USH2A: variants seen among roughly 807,000 people sequenced by gnomAD.
USH2A encodes Usher syndrome 2A (autosomal recessive, mild).
A neutral mutation model predicts 538.9 loss-of-function variants in USH2A; 443 were observed. That is an observed-to-expected ratio of 0.82 (90% CI 0.76 to 0.89). The LOEUF (loss-of-function observed/expected upper bound fraction) is 0.89. Ranked by LOEUF, USH2A falls within the 40% of genes least tolerant of loss-of-function variation. USH2A has a pLI of 0.00. For synonymous variants in USH2A, 2,413 were observed against 2,273.5 expected (o/e 1.06, Z -1.75); for missense variants, 6,633 against 6,324.8 (o/e 1.05, Z -1.65).
At chr1:215,963,914 C>A (rs1030638815) in intron 37 of USH2A, among the ~76,000 whole-genome samples, 1 of 152,086 alleles carries the variant, frequency 6.6e-6, no homozygotes. Flanking sequence ...AATCAGTAAA[C>A]TTCTCAGTGG....
intron 37 of USH2A, among the ~76,000 whole-genome samples, chr1:215,961,319 A>C (rs2102450733): frequency 6.6e-6 from 1 of 151,918 alleles, no homozygotes; most frequent in African/African-American, 2.4e-5. Context: ...ATAAAATATT[A>C]ATGAATACAC....
intron 13 of USH2A, among the ~76,000 whole-genome samples, chr1:216,238,339 C>T (rs2102532368): frequency 6.6e-6 from 1 of 152,264 alleles, no homozygotes; most frequent in African/African-American, 2.4e-5. Flanking sequence ...GATGCGTTGA[C>T]ATCCTTCCCT....
chr1:216,402,942 A>C (rs1449344452), intron 3 of USH2A, among the ~76,000 whole-genome samples: 1 of 152,188 alleles, frequency 6.6e-6, no homozygotes, highest in Non-Finnish European at 1.5e-5. Context: ...TTACAACACT[A>C]AGCTAAATCT....
rs897869291 is a variant in USH2A at position 216,098,147 on chromosome 1, A to C, written c.4628-934T>G. 1.1e-3 allele frequency among the ~76,000 whole-genome samples: 162 copies of C among 151,722 alleles called. 3 individuals carry two copies. Among genetic ancestry groups the C allele is most frequent in the Non-Finnish European group, 1.2e-4 (8 of 68,018 alleles). On this transcript the variant is annotated intron_variant, in intron 21 of 71. Transcript: ENST00000307340. ...GCCCCATCTCCAGTCCTACCATTAC[A>C]TGGCCCCATCTCCACTCTACTCAGT...
intron 35 of USH2A, among the ~76,000 whole-genome samples, chr1:215,971,937 AAAGCATAGTAGTATCATGTTCATTGG>A (rs1667502967): frequency 6.6e-6 from 1 of 152,162 alleles, no homozygotes; most frequent in Non-Finnish European, 1.5e-5. Flanking sequence ...TCATTTGTAC[AAAGCATAGTAGTATCATGTTCATTGG>A]AAGCATAGAG....
chr1:215,827,371 C>T (rs554625733), intron 47 of USH2A, among the ~76,000 whole-genome samples: 91 of 152,152 alleles, frequency 6.0e-4, no homozygotes, highest in African/African-American at 1.3e-3. Flanking sequence ...CTTCAGCGAC[C>T]GAGCTGTTTC....
intron 47 of USH2A, among the ~76,000 whole-genome samples, chr1:215,823,217 AG>A (rs1663062781): frequency 6.6e-6 from 1 of 152,102 alleles, no homozygotes; most frequent in African/African-American, 2.4e-5. Context: ...ATTTCTTATA[AG>A]ATGGGTCTCA....
At chr1:216,103,719 C>T (rs2032651133) in intron 21 of USH2A, among the ~76,000 whole-genome samples, 1 of 152,020 alleles carries the variant, frequency 6.6e-6, no homozygotes, top group South Asian at 2.1e-4. Flanking sequence ...AAAAGCCAAG[C>T]AACCCAATAG....
chr1:215,739,956 G>T (rs1437828964), intron 60 of USH2A, among the ~76,000 whole-genome samples: 1 of 152,188 alleles, frequency 6.6e-6, no homozygotes, highest in African/African-American at 2.4e-5. Context: ...GGGGTATGAG[G>T]ATCTGAGAAG....
At chr1:216,416,895 A>G (rs2039586418) in intron 3 of USH2A, among the ~76,000 whole-genome samples, 1 of 152,148 alleles carries the variant, frequency 6.6e-6, no homozygotes, top group African/African-American at 2.4e-5. Flanking sequence ...CAAAGATGGC[A>G]CTGTCTTTAA....
intron 4 of USH2A, among the ~76,000 whole-genome samples, chr1:216,351,076 T>C (rs545256743): frequency 1.3e-5 from 2 of 152,262 alleles, no homozygotes; most frequent in South Asian, 4.1e-4. Context: ...TTGGAAAATA[T>C]GTATTGAGTA....
intron 49 of USH2A, among the ~76,000 whole-genome samples, chr1:215,811,678 TG>T (rs1662689642): frequency 6.6e-6 from 1 of 151,856 alleles, no homozygotes; most frequent in African/African-American, 2.4e-5. Flanking sequence ...GAGGCCAAGG[TG>T]GGCAGACATT....
chr1:215,709,718 G>T (rs1274526978), intron 61 of USH2A, among the ~76,000 whole-genome samples: 1 of 150,350 alleles, frequency 6.7e-6, no homozygotes, highest in Non-Finnish European at 1.5e-5. Context: ...ACTATTATTG[G>T]TAAAAATGAT....
chr1:216,112,691 T>C (rs1368207109), intron 21 of USH2A, among the ~76,000 whole-genome samples: 1 of 152,150 alleles, frequency 6.6e-6, no homozygotes, highest in Non-Finnish European at 1.5e-5. Context: ...CTCCCACTTA[T>C]AAGTGAGAAT....
At chr1:216,081,618 A>T (rs891665171) in intron 26 of USH2A, among the ~76,000 whole-genome samples, 3 of 151,958 alleles carry the variant, frequency 2.0e-5, no homozygotes, top group East Asian at 1.9e-4. Context: ...TTGTTTTGAG[A>T]CAGAGCTCTC....
chr1:215,775,607 C>A (rs1014120414), intron 55 of USH2A, among the ~76,000 whole-genome samples: 9 of 152,152 alleles, frequency 5.9e-5, no homozygotes, highest in Non-Finnish European at 1.3e-4. Context: ...GTGATAATTA[C>A]TACGAGAGCA....
chr1:216,114,857 G>A (rs1254068953), intron 21 of USH2A, among the ~76,000 whole-genome samples: 1 of 152,038 alleles, frequency 6.6e-6, no homozygotes, highest in Admixed American at 6.6e-5. Context: ...TAGAACTATA[G>A]GCTTATGTGT....
chr1:216,176,695 T>C (rs1408111628), intron 20 of USH2A, among the ~76,000 whole-genome samples: 1 of 152,098 alleles, frequency 6.6e-6, no homozygotes. Flanking sequence ...CAAAACATCC[T>C]CTGTGCCCTG....
chr1:216,200,179 A>G, intron 16 of USH2A, 58 bp from the exon 17 acceptor site: 1 of 1,533,260 alleles, frequency 6.5e-7, no homozygotes, highest in Non-Finnish European at 8.9e-7. Flanking sequence ...GTGAAGAATC[A>G]TTGCTAACTG....
Sources: allele counts gnomAD v4.1 joint callset (sites outside exome capture counted in the v4.1 genomes callset), GRCh38; gene constraint gnomAD v4.1.1; transcripts MANE v1.5; gene names NCBI Gene and HGNC (gene_info 2026-07-23, HGNC 2026-07-21).